The following NPIPB2 variants were observed in gnomAD, a reference collection of about 807,000 sequenced individuals.
NPIPB2 encodes nuclear pore complex interacting protein family member B2.
In NPIPB2, 27 loss-of-function variants were observed where a neutral mutation model predicts 30.8. The ratio of observed to expected loss-of-function variants is 0.88; its 90% confidence interval spans 0.65 to 1.21. NPIPB2 has a LOEUF of 1.21. Ranked by LOEUF, NPIPB2 falls within the 50% of genes most tolerant of loss-of-function variation. NPIPB2 has a pLI of 0.00. For missense variants in NPIPB2, 440 were observed against 446.2 expected, an observed-to-expected ratio of 0.99 and a Z score of 0.13; for synonymous variants, 147 against 162.0, an observed-to-expected ratio of 0.91 and a Z score of 0.70.
intron 1 of NPIPB2, among the ~76,000 whole-genome samples, chr16:11,950,547 C>T (rs1482329980): frequency 6.6e-6 from 1 of 152,174 alleles, no homozygotes; most frequent in Non-Finnish European, 1.5e-5. Context: ...AGGACGCTAA[C>T]ATAAGGACGA....
intron 1 of NPIPB2, among the ~76,000 whole-genome samples, chr16:11,973,661 G>A (rs544070493): frequency 2.0e-5 from 3 of 151,876 alleles, no homozygotes; most frequent in South Asian, 4.1e-4. Flanking sequence ...TCTACCTCCC[G>A]GGTTCAAGCG....
At chr16:11,941,733 C>T (rs1446053534) in intron 1 of NPIPB2, 5 of 805,466 alleles carry the variant, frequency 6.2e-6, no homozygotes, top group Non-Finnish European at 8.0e-6. Context: ...ACGTGCCTCA[C>T]AATGGACATG....
intron 1 of NPIPB2, among the ~76,000 whole-genome samples, chr16:11,953,320 G>T (rs566906920): frequency 2.0e-5 from 3 of 151,102 alleles, no homozygotes; most frequent in Non-Finnish European, 4.4e-5. Flanking sequence ...TAATTTTTGG[G>T]TTTTTTGTTT....
intron 2 of NPIPB2, among the ~76,000 whole-genome samples, chr16:11,935,213 ATCT>A: frequency 6.6e-6 from 1 of 151,124 alleles, no homozygotes; most frequent in Non-Finnish European, 1.5e-5. Context: ...TATGCTTTTA[ATCT>A]TCTAAGATAT....
intron 1 of NPIPB2, among the ~76,000 whole-genome samples, chr16:11,975,897 G>A (rs377158167): frequency 6.6e-6 from 1 of 151,438 alleles, no homozygotes; most frequent in East Asian, 1.9e-4. Context: ...TCCGGCCTAG[G>A]AGCCATATCT....
intron 1 of NPIPB2, among the ~76,000 whole-genome samples, chr16:11,975,572 C>A (rs2055280783): frequency 6.6e-6 from 1 of 151,780 alleles, no homozygotes; most frequent in Non-Finnish European, 1.5e-5. Context: ...AATTCATTCT[C>A]ATCCCAGGAA....
intron 1 of NPIPB2, among the ~76,000 whole-genome samples, chr16:11,951,787 G>A (rs1221152161): frequency 6.6e-6 from 1 of 151,800 alleles, no homozygotes; most frequent in African/African-American, 2.4e-5. Context: ...CAGCACTTTG[G>A]GAGGCCGAGG....
At chr16:11,954,897 G>C (rs2055097396) in intron 1 of NPIPB2, among the ~76,000 whole-genome samples, 1 of 127,212 alleles carries the variant, frequency 7.9e-6, no homozygotes. Flanking sequence ...AACAGAGCAA[G>C]ACTCTGTCTC....
chr16:11,936,087 T>G (rs2054863155), intron 2 of NPIPB2, among the ~76,000 whole-genome samples: 1 of 148,948 alleles, frequency 6.7e-6, no homozygotes, highest in Non-Finnish European at 1.5e-5. Flanking sequence ...GGTGGATCAT[T>G]TGAGGTCGGG....
exon 8 of NPIPB2, chr16:11,927,650 G>C (rs773249518): frequency 3.1e-6 from 5 of 1,598,618 alleles, no homozygotes; most frequent in South Asian, 1.1e-5. Context: ...TGGAAGGGGA[G>C]TGAGCAGACA....
intron 1 of NPIPB2, among the ~76,000 whole-genome samples, chr16:11,963,615 C>G (rs1406705298): frequency 6.6e-6 from 1 of 152,178 alleles, no homozygotes; most frequent in Non-Finnish European, 1.5e-5. Context: ...TTCTTCCCCA[C>G]CACTTACCTC....
At chr16:11,955,990 T>C (rs6498257) in intron 1 of NPIPB2, among the ~76,000 whole-genome samples, 20,978 of 151,786 alleles carry the variant, frequency 0.14, 2,295 homozygotes, top group African/African-American at 0.28. Context: ...GACCCAAATG[T>C]TTTGCCTCAG....
chr16:11,970,515 C>A (rs904601789), intron 1 of NPIPB2, among the ~76,000 whole-genome samples: 5 of 149,480 alleles, frequency 3.3e-5, no homozygotes, highest in African/African-American at 1.2e-4. Flanking sequence ...ACCTGGCCTT[C>A]CAGTGTTTAA....
At chr16:11,974,734 T>C (rs1480418512) in intron 1 of NPIPB2, among the ~76,000 whole-genome samples, 1 of 152,106 alleles carries the variant, frequency 6.6e-6, no homozygotes, top group African/African-American at 2.4e-5. Flanking sequence ...AAAATACTCC[T>C]TCAGTCCCTT....
chr16:11,975,149 T>TTTTTTTTC (rs1242693015), intron 1 of NPIPB2, among the ~76,000 whole-genome samples: 2 of 63,852 alleles, frequency 3.1e-5, no homozygotes, highest in South Asian at 6.8e-4. Context: ...ACCTTTTTTT[T>TTTTTTTTC]TTTTTTTTTT....
chr16:11,971,873 G>C (rs1027042232), intron 1 of NPIPB2, among the ~76,000 whole-genome samples: 1 of 152,126 alleles, frequency 6.6e-6, no homozygotes, highest in African/African-American at 2.4e-5. Context: ...TCAGCCAGGC[G>C]TAGTGGCTCT....
intron 1 of NPIPB2, among the ~76,000 whole-genome samples, chr16:11,957,421 C>T (rs912076643): frequency 1.3e-5 from 2 of 151,968 alleles, no homozygotes; most frequent in African/African-American, 4.8e-5. Flanking sequence ...CCTCGGCCTC[C>T]CAAAGTGCTG....
upstream of NPIPB2, among the ~76,000 whole-genome samples, chr16:11,945,218 A>G (rs377276675): frequency 1.4e-4 from 22 of 151,980 alleles, no homozygotes; most frequent in South Asian, 4.2e-3. Flanking sequence ...ATAAATAAAT[A>G]TATAAAAAGA....
At chr16:11,967,028 T>C in intron 1 of NPIPB2, 2 of 199,870 alleles carry the variant, frequency 1.0e-5, no homozygotes, top group Non-Finnish European at 2.1e-5. Flanking sequence ...AGAGATGGAG[T>C]CTCGCTCTGT....
Sources: gnomAD v4.1 joint callset for allele counts (sites outside exome capture counted in the v4.1 genomes callset) on GRCh38, gnomAD v4.1.1 for gene constraint, MANE v1.5 for transcripts, NCBI Gene and HGNC (gene_info 2026-07-23, HGNC 2026-07-21) for gene names.